Variants in NDUFA10 observed in about 807,000 individuals in gnomAD.
The protein encoded by NDUFA10 is NADH dehydrogenase [ubiquinone] 1 alpha subcomplex subunit 10, mitochondrial.
NDUFA10 carries 40 observed loss-of-function variants against 47.8 expected under a neutral mutation model. That is an observed-to-expected ratio of 0.84 (90% CI 0.65 to 1.09). The LOEUF (loss-of-function observed/expected upper bound fraction) is 1.09. Ranked by LOEUF, NDUFA10 falls within the 50% of genes least tolerant of loss-of-function variation. The probability of loss-of-function intolerance (pLI) is 0.00; values close to 1 mark genes in which losing one functional copy is unlikely to be tolerated. For synonymous variants in NDUFA10, 183 were observed against 172.2 expected (o/e 1.06, Z -0.49); for missense variants, 413 against 451.1 (o/e 0.92, Z 0.76).
intron 4 of NDUFA10, among the ~76,000 whole-genome samples, chr2:239,902,015 TG>T (rs1407769041): frequency 1.3e-5 from 2 of 152,170 alleles, no homozygotes; most frequent in African/African-American, 2.4e-5. Flanking sequence ...TTTCATGAAA[TG>T]GAATCTACTC....
At chr2:240,001,446 T>C (rs1322604301) in intron 8 of NDUFA10, among the ~76,000 whole-genome samples, 1 of 152,182 alleles carries the variant, frequency 6.6e-6, no homozygotes, top group Admixed American at 6.5e-5. Flanking sequence ...TTCCCACATT[T>C]AATCCCCACA....
intron 1 of NDUFA10, among the ~76,000 whole-genome samples, chr2:240,023,352 A>G (rs1370487823): frequency 6.6e-6 from 1 of 152,228 alleles, no homozygotes; most frequent in Non-Finnish European, 1.5e-5. Flanking sequence ...GCTACAAAAA[A>G]ACAAAAGACT....
At chr2:240,022,412 G>C in intron 1 of NDUFA10, 72 bp from the exon 2 acceptor site, 1 of 1,602,282 alleles carries the variant, frequency 6.2e-7, no homozygotes, top group Non-Finnish European at 8.5e-7. Flanking sequence ...TAACTATTAG[G>C]TAAAAATACC....
In NDUFA10 at chr2:239,928,324, C is replaced by T. The variant is rs773096331; in HGVS notation, c.295-33010G>A. On this transcript the variant is annotated intron_variant, in intron 4 of 5. Transcript: ENST00000419408. This position sits in a 1 kb window ranked among gnomAD's most constrained non-coding sequence, Gnocchi z 4.3. ...AAGAAATAAAGGAGCACATGAATTCCATGAATCATGACTAAAGAAAAGAAG... is the reference window on the plus strand; with the variant it reads ...AAGAAATAAAGGAGCACATGAATTCTATGAATCATGACTAAAGAAAAGAAG... Among the ~76,000 whole-genome samples the T allele has an allele frequency of 2.0e-5, 3 of 152,146 alleles. No homozygotes were observed. The highest frequency in any genetic ancestry group is 2.9e-5 in the Non-Finnish European group (2 of 68,026).
At chr2:239,999,449 T>G (rs1387918986) in intron 8 of NDUFA10, among the ~76,000 whole-genome samples, 1 of 152,150 alleles carries the variant, frequency 6.6e-6, no homozygotes, top group African/African-American at 2.4e-5. Context: ...GGTGGATGAT[T>G]GTTCTGCTGG....
At chr2:239,894,497 C>T (rs1420620620) in intron 5 of NDUFA10, among the ~76,000 whole-genome samples, 2 of 152,208 alleles carry the variant, frequency 1.3e-5, no homozygotes, top group African/African-American at 4.8e-5. Context: ...ATCTCCCTCT[C>T]ATCAGTCCCC....
At chr2:239,905,024 C>A (rs998633418) in intron 4 of NDUFA10, among the ~76,000 whole-genome samples, 4 of 152,224 alleles carry the variant, frequency 2.6e-5, no homozygotes, top group Non-Finnish European at 4.4e-5. Flanking sequence ...CATCTCAAAA[C>A]CTTTAACTGA....
At chr2:239,914,367 C>T (rs1461580881) in intron 4 of NDUFA10, among the ~76,000 whole-genome samples, 19 of 150,616 alleles carry the variant, frequency 1.3e-4, no homozygotes, top group African/African-American at 4.7e-4. Flanking sequence ...CAAAGAGATA[C>T]ACATACACAC....
At chr2:239,944,995 C>T (rs528423970) in intron 4 of NDUFA10, among the ~76,000 whole-genome samples, 1 of 144,640 alleles carries the variant, frequency 6.9e-6, no homozygotes, top group African/African-American at 2.5e-5. Context: ...GGGTGACTTC[C>T]CAGGGGGCCT....
At chr2:239,999,837 T>C (rs770229884) in intron 8 of NDUFA10, among the ~76,000 whole-genome samples, 4 of 152,214 alleles carry the variant, frequency 2.6e-5, no homozygotes, top group Non-Finnish European at 4.4e-5. Context: ...GTGAAACCCA[T>C]GTTGTTTGTA....
At chr2:239,971,816 A>T (rs931514908) in intron 9 of NDUFA10, among the ~76,000 whole-genome samples, 1 of 152,214 alleles carries the variant, frequency 6.6e-6, no homozygotes, top group Admixed American at 6.5e-5. Context: ...ATAACACAAT[A>T]AGCTCTTTCC....
rs1694722254 is a variant in NDUFA10, at chr2:239,958,479, G to A, written c.*2639C>T. The A allele has an allele frequency of 6.6e-6, 1 of 152,256 alleles. No homozygotes were observed. Among genetic ancestry groups the A allele is most frequent in the East Asian group, 1.9e-4 (1 of 5,192 alleles). The allele number at this position is 152,256 out of a possible 1,614,324, so 9.4% of individuals were successfully genotyped here. A position where few individuals can be genotyped will look rare whatever the true frequency, so the allele number is the denominator to read the frequency against. ...CGAATTCAATTGAAGCGGCGTAACT[G>A]AAGGTCCCTGGGTCCACCTGTGGCC... On this transcript the variant is annotated 3_prime_UTR_variant, in exon 10 of 10. Transcript: ENST00000252711.
intron 9 of NDUFA10, among the ~76,000 whole-genome samples, chr2:239,964,887 C>T (rs890401507): frequency 7.9e-5 from 12 of 152,138 alleles, no homozygotes; most frequent in African/African-American, 2.7e-4. Flanking sequence ...AAAAGATCAC[C>T]GAAAGGTTTT....
At position 239,910,905 on chromosome 2, in the gene NDUFA10, G is replaced by A. The variant is rs573588458; in HGVS notation, c.295-15591C>T. 7.9e-5 allele frequency among the ~76,000 whole-genome samples: 12 copies of A among 152,300 alleles called. No individual in the cohort carries two copies. The South Asian group carries it at 8.3e-4, about 11-fold the overall frequency. ...TCCTCGTGAGCTGTCCAACAGCTCC[G>A]TTGGAGGCAGAGGCCGCTCCGTCCT... On this transcript the variant is annotated intron_variant, in intron 4 of 5. Transcript: ENST00000419408.
At chr2:240,003,012 G>A (rs1243653722) in intron 8 of NDUFA10, among the ~76,000 whole-genome samples, 2 of 152,026 alleles carry the variant, frequency 1.3e-5, no homozygotes, top group Non-Finnish European at 2.9e-5. Context: ...ACCATACCCA[G>A]ATAATTTTTA....
intron 9 of NDUFA10, among the ~76,000 whole-genome samples, chr2:239,989,857 A>T (rs573825748): frequency 7.2e-5 from 11 of 152,362 alleles, no homozygotes; most frequent in African/African-American, 2.6e-4. Flanking sequence ...TTCCAGAAGA[A>T]CATCTCTGCT....
intron 9 of NDUFA10, among the ~76,000 whole-genome samples, chr2:239,973,187 C>T (rs764165676): frequency 1.3e-5 from 2 of 152,162 alleles, no homozygotes; most frequent in African/African-American, 4.8e-5. Context: ...GAAGGCATTA[C>T]GCATTTACTT....
chr2:239,983,661 C>T (rs1447675040), intron 9 of NDUFA10: 2 of 1,579,210 alleles, frequency 1.3e-6, no homozygotes, highest in South Asian at 2.3e-5. Context: ...ACAGCAAGTG[C>T]CCCTGATGCT....
At chr2:240,022,006 G>A (rs111715081) in intron 2 of NDUFA10, among the ~76,000 whole-genome samples, 166 bp downstream of exon 2, 8 of 152,116 alleles carry the variant, frequency 5.3e-5, no homozygotes, top group Admixed American at 1.3e-4. Flanking sequence ...TTCTTGTTTC[G>A]TTTTATAAAA....
Sources: gnomAD v4.1 joint callset for allele counts (sites outside exome capture counted in the v4.1 genomes callset) on GRCh38, gnomAD v4.1.1 for gene constraint, Gnocchi (gnomAD v3.1) non-coding constraint, MANE v1.5 for transcripts, NCBI Gene and HGNC (gene_info 2026-07-23, HGNC 2026-07-21) for gene names.